NPAS2: variants seen among roughly 807,000 people sequenced by gnomAD.
NPAS2 encodes the protein neuronal PAS domain-containing protein 2.
NPAS2 carries 23 observed loss-of-function variants against 107.5 expected under a neutral mutation model. The ratio of observed to expected loss-of-function variants is 0.21; its 90% CI spans 0.15 to 0.30. The LOEUF (loss-of-function observed/expected upper bound fraction) is 0.30, where lower values mean the gene tolerates loss of function less well. NPAS2 is among the 10% of genes least tolerant of loss of function. NPAS2 has a pLI of 1.00. For synonymous variants in NPAS2, 403 were observed against 417.5 expected (o/e 0.97, Z 0.42); for missense variants, 756 against 1,043.3 (o/e 0.72, Z 3.79).
chr2:100,959,282 T>TACA, intron 7 of NPAS2, among the ~76,000 whole-genome samples: 1 of 150,070 alleles, frequency 6.7e-6, no homozygotes, highest in Non-Finnish European at 1.5e-5. Flanking sequence ...AAAAAAAAAT[T>TACA]TTTTTGCAAA....
At chr2:100,902,448 C>T (rs10194413) in intron 1 of NPAS2, among the ~76,000 whole-genome samples, 127,311 of 152,214 alleles carry the variant, frequency 0.84, 54,012 homozygotes, top group Non-Finnish European at 0.91. Context: ...GAGGACATTA[C>T]GCTGTGTGAA....
intron 2 of NPAS2, among the ~76,000 whole-genome samples, chr2:100,908,762 G>A (rs1334516968): frequency 6.6e-6 from 1 of 152,166 alleles, no homozygotes; most frequent in Non-Finnish European, 1.5e-5. Flanking sequence ...TCAGCTGTGA[G>A]GTTGTTTCCA....
chr2:100,957,025 C>T (rs1393914554), intron 7 of NPAS2, among the ~76,000 whole-genome samples: 1 of 152,208 alleles, frequency 6.6e-6, no homozygotes, highest in African/African-American at 2.4e-5. Flanking sequence ...TGCTCAGGTC[C>T]TTCAGCCAAG....
rs145127221 is a variant in NPAS2, at chr2:100,867,461, A to C, written c.-22-37272A>C. Among the ~76,000 whole-genome samples the C allele has an allele frequency of 1.5e-3, 226 of 152,308 alleles. 1 individual carries two copies. Among genetic ancestry groups the C allele is most frequent in the African/African-American group, 5.3e-3 (219 of 41,566 alleles). ...TCAAAGTTATGCTTATATGCTACTA[A>C]GTTATGTTTATTGCCTTAAAGTCTG... On this transcript the variant is annotated intron_variant, in intron 1 of 20. Transcript: ENST00000335681.
chr2:100,967,538 T>G (rs1354409540), intron 10 of NPAS2, among the ~76,000 whole-genome samples: 1 of 152,114 alleles, frequency 6.6e-6, no homozygotes, highest in Non-Finnish European at 1.5e-5. Context: ...CAGTGTCCTT[T>G]TGTAGCGTTA....
At chr2:100,938,921 G>C (rs1674399382) in intron 5 of NPAS2, among the ~76,000 whole-genome samples, 1 of 152,160 alleles carries the variant, frequency 6.6e-6, no homozygotes, top group East Asian at 1.9e-4. Context: ...TCCATGGATA[G>C]GTGGCCAGTT....
chr2:100,995,440 C>G lies in NPAS2; in HGVS notation c.2333C>G (p.Ser778Trp). ...PTSLHSEQQD[S>W]LLLSTYSQQP... The stretch of plus-strand genomic sequence containing the variant: ...TCTTTGCACAGTGAGCAGCAGGACT[C>G]GCTACTTCTCTCCACCTACTCACAA... The change falls in exon 21 of 21, where the codon TCG becomes TGG. Residue 778 changes from serine to tryptophan, a missense_variant. Physicochemically the swap from Ser to Trp is radical, Grantham distance 177 (BLOSUM62 -3). Around this residue, in one of 4 missense-constraint regions of NPAS2, gnomAD observed 496 missense variants for 594.4 expected, o/e 0.83. Coordinates refer to ENST00000335681, the MANE Select transcript of NPAS2 (RefSeq NM_002518.4). 1 of 1,614,034 alleles carries G rather than the reference C, an allele frequency of 6.2e-7. No homozygotes were observed. The highest frequency in any genetic ancestry group is 8.5e-7 in the Non-Finnish European group (1 of 1,179,982).
chr2:100,923,126 C>G (rs1683341645), intron 2 of NPAS2, among the ~76,000 whole-genome samples: 1 of 152,158 alleles, frequency 6.6e-6, no homozygotes, highest in Non-Finnish European at 1.5e-5. Context: ...GGACTAGCAA[C>G]AAGACTCCGC....
At chr2:100,992,059 G>A (rs554787974) in intron 19 of NPAS2, among the ~76,000 whole-genome samples, 2 of 152,356 alleles carry the variant, frequency 1.3e-5, no homozygotes, top group East Asian at 3.9e-4. Flanking sequence ...CTATCATTAG[G>A]TGGGAGGAAG....
chr2:100,973,207 T>C (rs1434424853), intron 12 of NPAS2, among the ~76,000 whole-genome samples: 2 of 152,128 alleles, frequency 1.3e-5, no homozygotes, highest in Non-Finnish European at 2.9e-5. Flanking sequence ...AACACAATCT[T>C]GGGCACTGGG....
At chr2:100,825,953 AAAG>A (rs1558782927) in intron 1 of NPAS2, among the ~76,000 whole-genome samples, 1 of 152,162 alleles carries the variant, frequency 6.6e-6, no homozygotes, top group African/African-American at 2.4e-5. Context: ...TGAATTACAC[AAAG>A]AAGAGTCTGT....
intron 20 of NPAS2, chr2:100,995,085 C>T (rs774077477): frequency 2.9e-6 from 1 of 342,408 alleles, no homozygotes; most frequent in Non-Finnish European, 5.3e-6. Context: ...AACATTGTGG[C>T]TACATGTAGA....
chr2:100,929,680 C>T (rs1231631076), intron 3 of NPAS2, among the ~76,000 whole-genome samples: 2 of 152,172 alleles, frequency 1.3e-5, no homozygotes, highest in African/African-American at 4.8e-5. Context: ...AAGGGGCAAA[C>T]ACTGCAAATC....
intron 15 of NPAS2, 76 bp downstream of exon 15, chr2:100,977,875 C>A: frequency 8.0e-7 from 1 of 1,249,890 alleles, no homozygotes; most frequent in Non-Finnish European, 1.2e-6. Context: ...TGGTCTTGTA[C>A]ACTTAGGTCC....
chr2:100,959,103 AAAAAAAC>A (rs1391089504), intron 7 of NPAS2, among the ~76,000 whole-genome samples: 27 of 66,918 alleles, frequency 4.0e-4, no homozygotes, highest in Middle Eastern at 0.023. Flanking sequence ...AAAAAAAAAA[AAAAAAAC>A]AAAACTAAAA....
chr2:100,902,894 A>G (rs1290938826), intron 1 of NPAS2, among the ~76,000 whole-genome samples: 2 of 152,214 alleles, frequency 1.3e-5, no homozygotes. Context: ...AGTGAGAGGA[A>G]CGGGGCAGGG....
At chr2:100,895,997 T>C (rs1341803479) in intron 1 of NPAS2, among the ~76,000 whole-genome samples, 1 of 152,196 alleles carries the variant, frequency 6.6e-6, no homozygotes, top group African/African-American at 2.4e-5. Context: ...TGAAGCTCAG[T>C]GTCACCTCCC....
chr2:100,948,636 TGA>T (rs1331314477), intron 6 of NPAS2, among the ~76,000 whole-genome samples: 1 of 151,780 alleles, frequency 6.6e-6, no homozygotes, highest in Non-Finnish European at 1.5e-5. Flanking sequence ...TTTTTTTGCA[TGA>T]GAGTCTTTTA....
At chr2:100,878,110 G>A in intron 1 of NPAS2, 2 of 985,418 alleles carry the variant, frequency 2.0e-6, no homozygotes, top group Non-Finnish European at 1.2e-6. Context: ...ACGGAAGGTT[G>A]TTTGGCAGCA....
Sources: allele counts gnomAD v4.1 joint callset (sites outside exome capture counted in the v4.1 genomes callset), GRCh38; gene constraint gnomAD v4.1.1; regional missense constraint gnomAD v4.1.1; transcripts MANE v1.5; gene names NCBI Gene and HGNC (gene_info 2026-07-23, HGNC 2026-07-21).